Variants in AFG2A observed in about 807,000 individuals in gnomAD.
The protein encoded by AFG2A is ATPase family gene 2 protein homolog A.
chr4:123,133,156 G>A, the AFG2A span, among the ~76,000 whole-genome samples: 3 of 152,144 alleles, frequency 2.0e-5, no homozygotes, highest in African/African-American at 7.2e-5. Flanking sequence ...GGGTTTGTTC[G>A]AGACTGCATA....
chr4:123,158,406 A>G, the AFG2A span, among the ~76,000 whole-genome samples: 46 of 152,332 alleles, frequency 3.0e-4, no homozygotes, highest in East Asian at 8.5e-3. Context: ...AAGGACACTT[A>G]CAGTTTTAGT....
chr4:123,258,994 G>C, the AFG2A span, among the ~76,000 whole-genome samples: 2 of 150,882 alleles, frequency 1.3e-5, no homozygotes, highest in Non-Finnish European at 2.9e-5. Flanking sequence ...AGCCTCCCAA[G>C]TCGCTGGGAT....
chr4:123,305,189 T>C, the AFG2A span, among the ~76,000 whole-genome samples: 1 of 152,142 alleles, frequency 6.6e-6, no homozygotes, highest in African/African-American at 2.4e-5. Flanking sequence ...AATTAGGTAG[T>C]TGTTTAAGTC....
chr4:123,227,584 T>A, the AFG2A span, among the ~76,000 whole-genome samples: 1 of 152,352 alleles, frequency 6.6e-6, no homozygotes, highest in South Asian at 2.1e-4. Flanking sequence ...GACAGTCTGT[T>A]ATAATTTCTG....
chr4:123,039,046 G>T, the AFG2A span, among the ~76,000 whole-genome samples: 35 of 152,010 alleles, frequency 2.3e-4, no homozygotes, highest in African/African-American at 7.9e-4. Flanking sequence ...ACTTAGCAGA[G>T]AAAAAAATCA....
the AFG2A span, among the ~76,000 whole-genome samples, chr4:123,206,003 TAAATGCAGTG>T: frequency 6.6e-6 from 1 of 152,076 alleles, no homozygotes; most frequent in Non-Finnish European, 1.5e-5. Flanking sequence ...AAAAGCTAAC[TAAATGCAGTG>T]AAATATCTTT....
the AFG2A span, among the ~76,000 whole-genome samples, chr4:123,141,823 A>G: frequency 4.6e-5 from 7 of 152,236 alleles, no homozygotes; most frequent in Admixed American, 2.0e-4. Flanking sequence ...CCCTTATCAG[A>G]TAGATGATTT....
At chr4:123,179,168 G>C in the AFG2A span, among the ~76,000 whole-genome samples, 1 of 152,192 alleles carries the variant, frequency 6.6e-6, no homozygotes, top group African/African-American at 2.4e-5. Flanking sequence ...TACCTAATTA[G>C]ATGAGGACCA....
the AFG2A span, among the ~76,000 whole-genome samples, chr4:123,222,671 C>G: frequency 3.4e-3 from 524 of 152,174 alleles, 1 homozygote; most frequent in African/African-American, 0.012. Context: ...AAGCATTATG[C>G]CTGTTGATTA....
chr4:122,923,368 A>G, the AFG2A span: 8 of 1,599,388 alleles, frequency 5.0e-6, no homozygotes, highest in South Asian at 9.0e-5. Flanking sequence ...CGGGAGACTC[A>G]GTGATACTGA....
chr4:122,979,145 C>T, the AFG2A span: 9 of 1,472,076 alleles, frequency 6.1e-6, no homozygotes, highest in African/African-American at 1.4e-5. Flanking sequence ...TCACTGTTGC[C>T]ACTCCAGATG....
chr4:123,151,736 C>A, the AFG2A span, among the ~76,000 whole-genome samples: 1 of 152,126 alleles, frequency 6.6e-6, no homozygotes, highest in Non-Finnish European at 1.5e-5. Flanking sequence ...CCTCAAGGAT[C>A]TAGAAACAGA....
chr4:122,948,840 A>G, the AFG2A span, among the ~76,000 whole-genome samples: 2 of 152,218 alleles, frequency 1.3e-5, no homozygotes, highest in Admixed American at 6.5e-5. Flanking sequence ...ACTCCGCACC[A>G]GCATACCCTT....
chr4:123,141,753 T>C, the AFG2A span, among the ~76,000 whole-genome samples: 1 of 152,198 alleles, frequency 6.6e-6, no homozygotes, highest in Admixed American at 6.5e-5. Flanking sequence ...AGCTGGGTTG[T>C]TTGTTTTTTG....
At chr4:122,961,846 T>C in the AFG2A span, among the ~76,000 whole-genome samples, 1 of 152,194 alleles carries the variant, frequency 6.6e-6, no homozygotes, top group Admixed American at 6.5e-5. Context: ...CAGATGTGAG[T>C]TCGCTGTAGG....
chr4:123,076,933 AT>A, the AFG2A span, among the ~76,000 whole-genome samples: 2 of 137,292 alleles, frequency 1.5e-5, no homozygotes, highest in Non-Finnish European at 3.1e-5. Flanking sequence ...ACCCAAGATC[AT>A]TTTGGGGAAA....
At chr4:122,944,430 G>C in the AFG2A span, among the ~76,000 whole-genome samples, 1 of 152,028 alleles carries the variant, frequency 6.6e-6, no homozygotes, top group Admixed American at 6.6e-5. Context: ...GATCGCATCG[G>C]CTCCTGAGGC....
the AFG2A span, among the ~76,000 whole-genome samples, chr4:123,088,716 G>GCTCT: frequency 6.6e-6 from 1 of 151,036 alleles, no homozygotes; most frequent in South Asian, 2.1e-4. Flanking sequence ...CCCCCTTCGT[G>GCTCT]CTCTCTCTCT....
the AFG2A span, among the ~76,000 whole-genome samples, chr4:123,028,995 A>G: frequency 6.6e-6 from 1 of 152,250 alleles, no homozygotes; most frequent in Non-Finnish European, 1.5e-5. Context: ...ATATCCAGAT[A>G]CTTAATCCAC....
Sources: allele counts gnomAD v4.1 joint callset (sites outside exome capture counted in the v4.1 genomes callset), GRCh38; gene constraint gnomAD v4.1.1; transcripts MANE v1.5; gene names NCBI Gene and HGNC (gene_info 2026-07-23, HGNC 2026-07-21).